The following WWOX variants were observed in gnomAD, a reference collection of about 807,000 sequenced individuals.
WWOX encodes WW domain-containing oxidoreductase.
WWOX carries 69 observed loss-of-function variants against 46.2 expected under a neutral mutation model. The ratio of observed to expected loss-of-function variants is 1.49; its 90% CI spans 1.23 to 1.82. The LOEUF is 1.82. Ranked by LOEUF, WWOX falls within the 40% of genes most tolerant of loss-of-function variation. WWOX has a pLI of 0.00. For synonymous variants in WWOX, 359 were observed against 202.6 expected (o/e 1.77, Z -6.56); for missense variants, 919 against 542.6 (o/e 1.69, Z -6.89).
chr16:78,582,824 C>G (rs1395780320), intron 8 of WWOX, among the ~76,000 whole-genome samples: 1 of 152,090 alleles, frequency 6.6e-6, no homozygotes, highest in East Asian at 1.9e-4. Context: ...CCCTGAAGAC[C>G]TGGTATGTCT....
At chr16:78,099,934 C>T (rs1286042773) in intron 1 of WWOX, 49 bp downstream of exon 1, 3 of 1,538,790 alleles carry the variant, frequency 1.9e-6, no homozygotes, top group African/African-American at 1.4e-5. Context: ...CCCTGCACAG[C>T]CCACGGACGC....
intron 5 of WWOX, among the ~76,000 whole-genome samples, chr16:78,334,792 CCACA>C (rs879936910): frequency 9.0e-4 from 118 of 131,140 alleles, no homozygotes; most frequent in African/African-American, 3.4e-3. Flanking sequence ...AGTCTCCCCT[CCACA>C]CACACACACA....
chr16:79,012,254 A>G (rs985697098), intron 8 of WWOX, among the ~76,000 whole-genome samples: 2 of 151,714 alleles, frequency 1.3e-5, no homozygotes, highest in Non-Finnish European at 2.9e-5. Context: ...TCTTTTTGAG[A>G]TGGAGCCTCG....
intron 5 of WWOX, among the ~76,000 whole-genome samples, chr16:78,191,172 C>G (rs900672800): frequency 1.1e-4 from 16 of 152,152 alleles, no homozygotes; most frequent in African/African-American, 3.9e-4. Context: ...TGGAGCCTCC[C>G]AAGGCCAAGC....
At chr16:78,140,535 C>T (rs2033951026) in intron 4 of WWOX, among the ~76,000 whole-genome samples, 1 of 152,032 alleles carries the variant, frequency 6.6e-6, no homozygotes, top group African/African-American at 2.4e-5. Flanking sequence ...TTGCCTCTTT[C>T]AGCTTCTGGT....
At chr16:79,060,563 C>G (rs1247482510) in intron 8 of WWOX, among the ~76,000 whole-genome samples, 2 of 152,248 alleles carry the variant, frequency 1.3e-5, no homozygotes, top group Non-Finnish European at 2.9e-5. Context: ...TTGCTCCCTT[C>G]TAAGGGCTTG....
At chr16:79,036,990 T>C (rs1161102012) in intron 8 of WWOX, among the ~76,000 whole-genome samples, 1 of 152,212 alleles carries the variant, frequency 6.6e-6, no homozygotes, top group East Asian at 1.9e-4. Context: ...GGTATAGTGA[T>C]GGGTCTCTCA....
At chr16:78,775,797 T>G (rs569192381) in intron 8 of WWOX, among the ~76,000 whole-genome samples, 5 of 152,358 alleles carry the variant, frequency 3.3e-5, no homozygotes, top group African/African-American at 9.6e-5. Context: ...GCAGTGGCTT[T>G]TGGCCCACTA....
chr16:78,367,003 G>A (rs936156944), intron 5 of WWOX, among the ~76,000 whole-genome samples: 6 of 110,798 alleles, frequency 5.4e-5, no homozygotes, highest in Non-Finnish European at 6.7e-5. Context: ...TTTTTAAGAC[G>A]TAGTCTTGCT....
At chr16:78,494,031 T>A (rs1159570097) in intron 8 of WWOX, among the ~76,000 whole-genome samples, 1 of 152,158 alleles carries the variant, frequency 6.6e-6, no homozygotes, top group African/African-American at 2.4e-5. Flanking sequence ...GGCTCGTGGT[T>A]CTGCAGACTG....
At chr16:78,517,684 G>C (rs1331858224) in intron 8 of WWOX, among the ~76,000 whole-genome samples, 2 of 152,028 alleles carry the variant, frequency 1.3e-5, no homozygotes, top group African/African-American at 4.8e-5. Flanking sequence ...GAGGTGGTGA[G>C]GATGGAAAGG....
chr16:78,356,260 T>C (rs1337786488), intron 5 of WWOX, among the ~76,000 whole-genome samples: 2 of 152,162 alleles, frequency 1.3e-5, no homozygotes, highest in Admixed American at 6.5e-5. Context: ...ATATGTATCA[T>C]ATACATATAT....
intron 8 of WWOX, among the ~76,000 whole-genome samples, chr16:78,656,048 G>A (rs528111873): frequency 6.6e-6 from 1 of 152,192 alleles, no homozygotes; most frequent in African/African-American, 2.4e-5. Context: ...TTTTGAAATG[G>A]GGGTGTGGGT....
intron 8 of WWOX, among the ~76,000 whole-genome samples, chr16:78,609,315 A>T (rs2045841418): frequency 6.6e-6 from 1 of 151,894 alleles, no homozygotes; most frequent in Non-Finnish European, 1.5e-5. Context: ...TGATAACCTC[A>T]TTTTCAAGGG....
chr16:78,610,541 T>C (rs1461081899), intron 8 of WWOX, among the ~76,000 whole-genome samples: 1 of 152,196 alleles, frequency 6.6e-6, no homozygotes, highest in African/African-American at 2.4e-5. Flanking sequence ...TACCTGGACA[T>C]ATTAATTTTA....
intron 8 of WWOX, among the ~76,000 whole-genome samples, chr16:78,582,920 T>G (rs936815391): frequency 2.6e-5 from 4 of 152,248 alleles, no homozygotes; most frequent in African/African-American, 9.6e-5. Flanking sequence ...GGACAAGAAA[T>G]GATGAAAAGA....
chr16:78,975,952 C>T (rs9930939), intron 8 of WWOX, among the ~76,000 whole-genome samples: 25,308 of 152,170 alleles, frequency 0.17, 2,220 homozygotes, highest in Middle Eastern at 0.28. Flanking sequence ...TCCCCTGATA[C>T]CCTCCTGCCT....
intron 5 of WWOX, among the ~76,000 whole-genome samples, chr16:78,373,906 G>A (rs1009034672): frequency 2.0e-5 from 3 of 151,592 alleles, no homozygotes; most frequent in Non-Finnish European, 4.4e-5. Context: ...TCCCACCTCA[G>A]CCTCCCAAGT....
At chr16:79,106,511 G>A (rs777850896) in intron 8 of WWOX, 2 of 149,922 alleles carry the variant, frequency 1.3e-5, no homozygotes, top group South Asian at 2.1e-4. Flanking sequence ...GTATGAGTGC[G>A]TATTTGGGGA....
Sources: gnomAD v4.1 joint callset for allele counts (sites outside exome capture counted in the v4.1 genomes callset) on GRCh38, gnomAD v4.1.1 for gene constraint, MANE v1.5 for transcripts, NCBI Gene and HGNC (gene_info 2026-07-23, HGNC 2026-07-21) for gene names.